C3orf18: variants seen among roughly 807,000 people sequenced by gnomAD.
C3orf18 encodes uncharacterized protein C3orf18.
Under a neutral mutation model 14.1 loss-of-function variants are expected in C3orf18, and 12 were observed. The ratio of observed to expected loss-of-function variants is 0.85; its 90% CI spans 0.55 to 1.38. The LOEUF (loss-of-function observed/expected upper bound fraction) is 1.38, where lower values mean the gene tolerates loss of function less well. Among genes scored for constraint, C3orf18 ranks in the 40% most tolerant of loss-of-function variants. C3orf18 has a pLI of 0.00. For missense variants in C3orf18, 196 were observed against 213.9 expected, an observed-to-expected ratio of 0.92 and a Z score of 0.52; for synonymous variants, 82 against 87.9, an observed-to-expected ratio of 0.93 and a Z score of 0.38.
At chr3:50,559,969 C>T (rs1227485165) in intron 5 of C3orf18, among the ~76,000 whole-genome samples, 1 of 152,246 alleles carries the variant, frequency 6.6e-6, no homozygotes, top group Non-Finnish European at 1.5e-5. Context: ...TTTAATTATG[C>T]ATGCACTGCC....
upstream of C3orf18, chr3:50,569,741 C>T (rs1575873662): frequency 6.6e-6 from 1 of 152,400 alleles, no homozygotes; most frequent in Non-Finnish European, 1.5e-5. Context: ...GTTTACACTT[C>T]TGACTTCGGG....
Position 50,558,509 on chromosome 3 carries a change from G to T in C3orf18, c.*1148C>A. 1 of 378,166 alleles carries T rather than the reference G, an allele frequency of 2.6e-6. No homozygotes were observed. Among genetic ancestry groups the T allele is most frequent in the Non-Finnish European group, 5.0e-6 (1 of 201,794 alleles). 23.4% of individuals were successfully genotyped at this position (378,166 alleles called of 1,614,324 possible). Reference sequence around the variant, plus strand: ...GAACGGCTCTTCCCATAGATGGGATGGAGGTGGGGAATTCAAACATAGACT... The same window carrying T: ...GAACGGCTCTTCCCATAGATGGGATTGAGGTGGGGAATTCAAACATAGACT... On this transcript the variant is annotated 3_prime_UTR_variant, in exon 6 of 6. Coordinates refer to ENST00000357203, the MANE Select transcript of C3orf18 (RefSeq NM_016210.5).
In C3orf18 at chr3:50,558,949, T is replaced by G; in HGVS notation, c.*708A>C. On this transcript the variant is annotated 3_prime_UTR_variant, in exon 6 of 6. Coordinates refer to ENST00000357203, the MANE Select transcript of C3orf18 (RefSeq NM_016210.5). ...CATGCATGAGGCCTCTCGGCAGGTCTGGGGGGGCTGCATCCTTCCACTTCC... is the reference window on the plus strand; with the variant it reads ...CATGCATGAGGCCTCTCGGCAGGTCGGGGGGGGCTGCATCCTTCCACTTCC... The G allele has an allele frequency of 7.8e-7, 1 of 1,287,226 alleles. No individual in the cohort carries two copies. Among genetic ancestry groups the G allele is most frequent in the Non-Finnish European group, 1.0e-6 (1 of 987,152 alleles). 79.7% of individuals were successfully genotyped at this position (1,287,226 alleles called of 1,614,324 possible).
Position 50,558,607 on chromosome 3 carries a change from C to T in C3orf18, c.*1050G>A. The T allele has an allele frequency of 9.5e-7, 1 of 1,057,848 alleles. No homozygotes were observed. Among genetic ancestry groups the T allele is most frequent in the Non-Finnish European group, 1.2e-6 (1 of 804,928 alleles). 65.5% of individuals were successfully genotyped at this position (1,057,848 alleles called of 1,614,324 possible). On this transcript the variant is annotated 3_prime_UTR_variant, in exon 6 of 6. Coordinates refer to ENST00000357203, the MANE Select transcript of C3orf18 (RefSeq NM_016210.5). ...GGCAGTCATAACTGCCCCCTCTAGC[C>T]TGCAGCCTGTGATTACTGCCCTCAG...
At position 50,565,653 on chromosome 3, in the gene C3orf18, G is replaced by A. The variant is rs999242752; in HGVS notation, c.47C>T (p.Pro16Leu). ...TTCCAGGTCAGACTCAGAGGTGGGT[G>A]GGCGGCTGCTGAACCAGCCCCTAGC... ...ASARGWFSSR[P>L]PTSESDLEPA... Residue 16 changes from proline (P) to leucine (L), a missense_variant, in exon 3 of 6, where the codon CCA (proline) becomes CTA (leucine). Physicochemically the swap from Pro to Leu is moderately conservative, Grantham distance 98 (BLOSUM62 -3). Coordinates refer to ENST00000357203, the MANE Select transcript of C3orf18 (RefSeq NM_016210.5). This position sits in a 1 kb window ranked among gnomAD's most constrained non-coding sequence, Gnocchi z 4.4. 2 of 1,613,044 alleles carry A rather than the reference G, an allele frequency of 1.2e-6. No homozygotes were observed. The highest frequency in any genetic ancestry group is 1.7e-6 in the Non-Finnish European group (2 of 1,179,994).
chr3:50,558,988 C>A lies in C3orf18; in HGVS notation c.*669G>T. 1 of 1,289,326 alleles carries A rather than the reference C, an allele frequency of 7.8e-7. No homozygotes were observed. Among genetic ancestry groups the A allele is most frequent in the Non-Finnish European group, 1.0e-6 (1 of 988,542 alleles). 79.9% of individuals were successfully genotyped at this position (1,289,326 alleles called of 1,614,324 possible). On this transcript the variant is annotated 3_prime_UTR_variant, in exon 6 of 6. Coordinates refer to ENST00000357203, the MANE Select transcript of C3orf18 (RefSeq NM_016210.5). ...CCTTCCACTTCCATTCCCCTACTTC[C>A]TTCCCCCTCAGCTCCCATCCTAGCT...
rs1699790349 is a variant in C3orf18 at position 50,558,670 on chromosome 3, C to A, written c.*987G>T. Reference sequence around the variant, plus strand: ...TCCCAACCCCAGATCCTCATTAGAGCCCAAGACAGGGAGCCGTTTTCAGAA... The same window carrying A: ...TCCCAACCCCAGATCCTCATTAGAGACCAAGACAGGGAGCCGTTTTCAGAA... On this transcript the variant is annotated 3_prime_UTR_variant, in exon 6 of 6. Transcript: ENST00000357203. The A allele has an allele frequency of 7.8e-7, 1 of 1,278,966 alleles. No homozygotes were observed. Among genetic ancestry groups the A allele is most frequent in the Non-Finnish European group, 1.0e-6 (1 of 982,568 alleles). The allele number at this position is 1,278,966 out of a possible 1,614,324, so 79.2% of individuals were successfully genotyped here.
At chr3:50,571,762 T>TTG (rs1700991064), upstream of C3orf18, 1 of 1,614,050 alleles carries the variant, frequency 6.2e-7, no homozygotes, top group Non-Finnish European at 8.5e-7. Flanking sequence ...TCTCAGCAAC[T>TTG]ACAGTGTATC....
At chr3:50,562,399 A>G in intron 3 of C3orf18, 1 of 448,282 alleles carries the variant, frequency 2.2e-6, no homozygotes, top group Non-Finnish European at 4.5e-6. Flanking sequence ...CTGAAGAAGA[A>G]AGGGAAAACT....
chr3:50,561,922 CAG>C, intron 3 of C3orf18, 175 bp from the exon 4 acceptor site: 1 of 656,530 alleles, frequency 1.5e-6, no homozygotes, highest in Non-Finnish European at 2.7e-6. Flanking sequence ...TTTTTTGAGA[CAG>C]AGTCTTGCTC....
chr3:50,558,949 TG>T lies in C3orf18; in HGVS notation c.*707del, dbSNP rs1275428648. 1.6e-5 allele frequency: 20 copies of T among 1,287,220 alleles called. No homozygotes were observed. In the East Asian group the frequency reaches 3.9e-4, roughly 25 times the overall value. 79.7% of individuals were successfully genotyped at this position (1,287,220 alleles called of 1,614,324 possible). On this transcript the variant is annotated 3_prime_UTR_variant, in exon 6 of 6. Transcript: ENST00000357203. ...CATGCATGAGGCCTCTCGGCAGGTC[TG>T]GGGGGGCTGCATCCTTCCACTTCCA... is the stretch of plus-strand genomic sequence containing the variant.
At chr3:50,566,318 A>T (rs1043299231) in intron 1 of C3orf18, among the ~76,000 whole-genome samples, 2 of 151,760 alleles carry the variant, frequency 1.3e-5, no homozygotes, top group Non-Finnish European at 2.9e-5. Flanking sequence ...CTGTCTTTGA[A>T]ACCTAGCTCA....
At chr3:50,569,477 G>A (rs1292097891), upstream of C3orf18, 1 of 151,696 alleles carries the variant, frequency 6.6e-6, no homozygotes, top group Non-Finnish European at 1.5e-5. Flanking sequence ...CCGGAAGCGG[G>A]GCGTCCGAGG....
chr3:50,573,228 C>A (rs1157621371), upstream of C3orf18, among the ~76,000 whole-genome samples: 2 of 152,180 alleles, frequency 1.3e-5, no homozygotes, highest in Non-Finnish European at 2.9e-5. Context: ...AGCATGGGGG[C>A]AGCACGTGGA....
intron 5 of C3orf18, among the ~76,000 whole-genome samples, chr3:50,560,408 G>A (rs1463127477): frequency 6.6e-6 from 1 of 152,176 alleles, no homozygotes; most frequent in African/African-American, 2.4e-5. Flanking sequence ...ATCTTCACAT[G>A]CCTGGGTCTG....
chr3:50,559,154 C>A lies in C3orf18; in HGVS notation c.*503G>T. The A allele has an allele frequency of 7.8e-7, 1 of 1,289,908 alleles. No homozygotes were observed. Among genetic ancestry groups the A allele is most frequent in the African/African-American group, 1.5e-5 (1 of 65,978 alleles). 79.9% of individuals were successfully genotyped at this position (1,289,908 alleles called of 1,614,324 possible). A position where few individuals can be genotyped will look rare whatever the true frequency, so the allele number is the denominator to read the frequency against. ...GGACAGTTTCAGCTCCATCTCTGGGCTTCTCAGGGCCCATAACAGATGCTG... is the reference window on the plus strand; with the variant it reads ...GGACAGTTTCAGCTCCATCTCTGGGATTCTCAGGGCCCATAACAGATGCTG... On this transcript the variant is annotated 3_prime_UTR_variant, in exon 6 of 6. Transcript: ENST00000357203.
chr3:50,574,512 G>A (rs1701362643), upstream of C3orf18, among the ~76,000 whole-genome samples: 1 of 152,180 alleles, frequency 6.6e-6, no homozygotes, highest in Admixed American at 6.5e-5. Flanking sequence ...ATCTCTGTGA[G>A]GTGGCTGGCC....
At chr3:50,562,754 T>G (rs747474088) in intron 3 of C3orf18, among the ~76,000 whole-genome samples, 5 of 152,126 alleles carry the variant, frequency 3.3e-5, no homozygotes, top group African/African-American at 1.2e-4. Context: ...CCCCTAGGCA[T>G]CAGCCCAGGT....
chr3:50,560,916 C>T lies in C3orf18; in HGVS notation c.408+1G>A. 1 of 1,608,704 alleles carries T rather than the reference C, an allele frequency of 6.2e-7. No homozygotes were observed. The highest frequency in any genetic ancestry group is 8.5e-7 in the Non-Finnish European group (1 of 1,177,070). ...GGGTGGGGAGCCTGGTCAGTGCCCACCTTGCCCTGCATGGCCTGCACAGAA... is the reference window on the plus strand; with the variant it reads ...GGGTGGGGAGCCTGGTCAGTGCCCATCTTGCCCTGCATGGCCTGCACAGAA... On this transcript the variant is annotated splice_donor_variant, in intron 5 of 5. Coordinates refer to ENST00000357203, the MANE Select transcript of C3orf18 (RefSeq NM_016210.5). LOFTEE classifies it high-confidence loss of function.
Sources: allele counts gnomAD v4.1 joint callset (sites outside exome capture counted in the v4.1 genomes callset), GRCh38; gene constraint gnomAD v4.1.1; non-coding constraint Gnocchi (gnomAD v3.1); transcripts MANE v1.5; gene names NCBI Gene and HGNC (gene_info 2026-07-23, HGNC 2026-07-21).